EXOC4: variants seen among roughly 807,000 people sequenced by gnomAD.
EXOC4 encodes SEC8-like 1.
Under a neutral mutation model 107.2 loss-of-function variants are expected in EXOC4, and 71 were observed. The ratio of observed to expected loss-of-function variants is 0.66; its 90% confidence interval spans 0.55 to 0.81. The LOEUF is 0.81. Ranked by LOEUF, EXOC4 falls within the 30% of genes least tolerant of loss-of-function variation. The pLI is 0.00. For missense variants in EXOC4, 1,108 were observed against 1,189.6 expected, an observed-to-expected ratio of 0.93 and a Z score of 1.01; for synonymous variants, 456 against 441.2, an observed-to-expected ratio of 1.03 and a Z score of -0.42.
chr7:133,273,428 C>T (rs2150522670), intron 1 of EXOC4, among the ~76,000 whole-genome samples: 1 of 152,264 alleles, frequency 6.6e-6, no homozygotes, highest in South Asian at 2.1e-4. Flanking sequence ...CATGTAAAGG[C>T]TTTAAATCAA....
At chr7:133,591,143 T>G (rs1801533084) in intron 9 of EXOC4, among the ~76,000 whole-genome samples, 1 of 152,190 alleles carries the variant, frequency 6.6e-6, no homozygotes. Flanking sequence ...CTATTTCAAT[T>G]GCAGCATCTC....
At chr7:133,879,347 G>A (rs181759714) in intron 11 of EXOC4, among the ~76,000 whole-genome samples, 2 of 152,174 alleles carry the variant, frequency 1.3e-5, no homozygotes, top group East Asian at 3.9e-4. Flanking sequence ...CTCCGTGTCG[G>A]CCTCCCTAAG....
At chr7:133,341,859 C>T (rs1795668392) in intron 5 of EXOC4, among the ~76,000 whole-genome samples, 1 of 152,082 alleles carries the variant, frequency 6.6e-6, no homozygotes, top group Non-Finnish European at 1.5e-5. Flanking sequence ...TATTCTTGCT[C>T]ACATTTCCTG....
At position 133,374,847 on chromosome 7, in the gene EXOC4, G is replaced by A; in HGVS notation, c.1027G>A (p.Glu343Lys). Reference protein sequence around the residue: ...NQPRLLLELLELLFDKFNAVA... With the variant: ...NQPRLLLELLKLLFDKFNAVA... ...CACTAGGTTGCTTCTAGAACTGCTGGAGTTACTGTTTGACAAGTTTAATGC... is the reference window on the plus strand; with the variant it reads ...CACTAGGTTGCTTCTAGAACTGCTGAAGTTACTGTTTGACAAGTTTAATGC... Residue 343 changes from glutamate (E) to lysine (K), a missense_variant, in exon 7 of 18, where the codon GAG becomes AAG. Glu to Lys is a moderately conservative substitution (Grantham distance 56, BLOSUM62 1). Coordinates refer to ENST00000253861, the MANE Select transcript of EXOC4 (RefSeq NM_021807.4). 6.2e-7 allele frequency: 1 copy of A among 1,613,472 alleles called. No homozygotes were observed. The highest frequency in any genetic ancestry group is 1.1e-5 in the South Asian group (1 of 91,016).
At chr7:133,353,209 G>T (rs538484102) in intron 5 of EXOC4, among the ~76,000 whole-genome samples, 1 of 151,978 alleles carries the variant, frequency 6.6e-6, no homozygotes, top group African/African-American at 2.4e-5. Context: ...TTGCCTAGAC[G>T]TTTATCTTTA....
rs766289665 is a variant in EXOC4 at position 133,374,931 on chromosome 7, C to G, written c.1111C>G (p.Leu371Val). The stretch of plus-strand genomic sequence containing the variant: ...CCTGCAGGACACTGTAGTGACTCCA[C>G]TGACTCAGCAGGAAGATATCAAACT... ...GYLQDTVVTP[L>V]TQQEDIKLYD... The change falls in exon 7 of 18, where the codon CTG becomes GTG. Residue 371 changes from leucine (L) to valine (V), a missense_variant. Leu to Val is a conservative substitution (Grantham distance 32, BLOSUM62 1). Transcript: ENST00000253861. 43 of 1,613,902 alleles carry G rather than the reference C, an allele frequency of 2.7e-5. No homozygotes were observed. The highest frequency in any genetic ancestry group is 3.5e-5 in the Non-Finnish European group (41 of 1,179,920).
At chr7:134,039,552 G>A (rs1257495422) in intron 17 of EXOC4, among the ~76,000 whole-genome samples, 4 of 152,088 alleles carry the variant, frequency 2.6e-5, no homozygotes, top group Non-Finnish European at 4.4e-5. Context: ...ATATTTCCAG[G>A]TCTGCTAGTG....
intron 12 of EXOC4, among the ~76,000 whole-genome samples, chr7:133,903,742 G>A (rs1001136229): frequency 6.6e-5 from 10 of 152,114 alleles, no homozygotes; most frequent in African/African-American, 2.4e-4. Context: ...ATAGCTAAAT[G>A]GAATTTAAAA....
At chr7:133,804,337 CTG>C (rs1463060065) in intron 10 of EXOC4, among the ~76,000 whole-genome samples, 1 of 152,142 alleles carries the variant, frequency 6.6e-6, no homozygotes, top group Non-Finnish European at 1.5e-5. Flanking sequence ...CTGTCTTTGC[CTG>C]TCTGTGACTC....
At chr7:133,506,465 A>T (rs1226687722) in intron 9 of EXOC4, among the ~76,000 whole-genome samples, 1 of 152,108 alleles carries the variant, frequency 6.6e-6, no homozygotes, top group African/African-American at 2.4e-5. Flanking sequence ...TCATCCAGGG[A>T]TGCTTAATTT....
At chr7:133,624,861 G>A (rs757057036) in intron 9 of EXOC4, among the ~76,000 whole-genome samples, 2 of 151,542 alleles carry the variant, frequency 1.3e-5, no homozygotes, top group Non-Finnish European at 2.9e-5. Context: ...CCAAAGTGCT[G>A]GGATTACAGG....
intron 9 of EXOC4, among the ~76,000 whole-genome samples, chr7:133,488,496 G>A (rs1327980575): frequency 1.3e-5 from 2 of 152,048 alleles, no homozygotes; most frequent in East Asian, 3.9e-4. Flanking sequence ...CAGACATATG[G>A]AAATATTATA....
At position 133,779,351 on chromosome 7, in the gene EXOC4, C is replaced by T. The variant is rs535119100; in HGVS notation, c.1515-37974C>T. ...CAATACTACTAACTCTTATTTTTGC[C>T]GCAGTGTTGAGAAGTACGGATTTAT... On this transcript the variant is annotated intron_variant, in intron 10 of 17. Transcript: ENST00000253861. 1.4e-4 allele frequency among the ~76,000 whole-genome samples: 22 copies of T among 151,856 alleles called. No individual in the cohort carries two copies. The East Asian group carries it at 1.9e-3, about 13-fold the overall frequency.
At position 133,499,410 on chromosome 7, in the gene EXOC4, C is replaced by T. The variant is rs183549292; in HGVS notation, c.1417+19272C>T. Among the ~76,000 whole-genome samples the T allele has an allele frequency of 3.1e-3, 477 of 152,034 alleles. 1 individual carries two copies. Among genetic ancestry groups the T allele is most frequent in the African/African-American group, 0.011 (459 of 41,458 alleles). ...AGGTATTTTCCCTTCAAGTTTAGAG[C>T]TTTTTTCCATAAGCGGATAATATTT... is the stretch of plus-strand genomic sequence containing the variant. On this transcript the variant is annotated intron_variant, in intron 9 of 17. Coordinates refer to ENST00000253861, the MANE Select transcript of EXOC4 (RefSeq NM_021807.4).
intron 14 of EXOC4, among the ~76,000 whole-genome samples, chr7:133,952,883 C>T (rs1767462814): frequency 6.6e-6 from 1 of 152,216 alleles, no homozygotes; most frequent in Admixed American, 6.5e-5. Flanking sequence ...CACTTTATTT[C>T]TCCATTCATC....
intron 10 of EXOC4, 70 bp downstream of exon 10, chr7:133,630,211 C>A: frequency 8.3e-7 from 1 of 1,211,040 alleles, no homozygotes; most frequent in Non-Finnish European, 1.2e-6. Flanking sequence ...CTACTGAATG[C>A]CAGTTGTTGA....
At chr7:133,777,600 G>A (rs995953023) in intron 10 of EXOC4, among the ~76,000 whole-genome samples, 1 of 152,172 alleles carries the variant, frequency 6.6e-6, no homozygotes, top group Non-Finnish European at 1.5e-5. Flanking sequence ...ATTTGGAATT[G>A]TAGTAGAAAG....
chr7:133,540,969 T>G (rs1348034201), intron 9 of EXOC4, among the ~76,000 whole-genome samples: 1 of 152,160 alleles, frequency 6.6e-6, no homozygotes, highest in Non-Finnish European at 1.5e-5. Flanking sequence ...ACAATTTTGT[T>G]TTTTTTAATT....
chr7:133,849,794 A>G (rs939738307), intron 11 of EXOC4, among the ~76,000 whole-genome samples: 1 of 152,248 alleles, frequency 6.6e-6, no homozygotes, highest in African/African-American at 2.4e-5. Flanking sequence ...AGATGACTGA[A>G]TGAATCAATC....
Sources: gnomAD v4.1 joint callset for allele counts (sites outside exome capture counted in the v4.1 genomes callset) on GRCh38, gnomAD v4.1.1 for gene constraint, MANE v1.5 for transcripts, NCBI Gene and HGNC (gene_info 2026-07-23, HGNC 2026-07-21) for gene names.